Variants in PTPRM observed in about 807,000 individuals in gnomAD.
The protein encoded by PTPRM is protein tyrosine phosphatase receptor type M, also known as receptor-type tyrosine-protein phosphatase mu.
PTPRM carries 47 observed loss-of-function variants against 186.7 expected under a neutral mutation model. That is an observed-to-expected ratio of 0.25 (90% confidence interval 0.20 to 0.32). PTPRM has a LOEUF of 0.32. Among genes scored for constraint, PTPRM ranks in the 10% least tolerant of loss-of-function variants. The pLI, the probability that PTPRM is intolerant of heterozygous loss-of-function variation, is 1.00. For missense variants in PTPRM, 1,494 were observed against 1,865.0 expected, an observed-to-expected ratio of 0.80 and a Z score of 3.66; for synonymous variants, 668 against 674.9, an observed-to-expected ratio of 0.99 and a Z score of 0.16.
intron 14 of PTPRM, among the ~76,000 whole-genome samples, chr18:8,230,290 G>A (rs1163087723): frequency 6.6e-6 from 1 of 152,210 alleles, no homozygotes; most frequent in Non-Finnish European, 1.5e-5. Flanking sequence ...TAGGTAGTGT[G>A]TGCCATAGTT....
chr18:8,145,938 C>T (rs943515017), intron 14 of PTPRM, among the ~76,000 whole-genome samples: 1 of 152,168 alleles, frequency 6.6e-6, no homozygotes, highest in African/African-American at 2.4e-5. Context: ...AACTAATTTA[C>T]AGTTCCACCA....
intron 1 of PTPRM, among the ~76,000 whole-genome samples, chr18:7,614,690 A>G (rs975513378): frequency 6.6e-6 from 1 of 152,326 alleles, no homozygotes; most frequent in East Asian, 1.9e-4. Flanking sequence ...GGTTCAGTAT[A>G]CTGTTCATTT....
At chr18:8,016,920 A>G (rs752295706) in intron 7 of PTPRM, among the ~76,000 whole-genome samples, 4 of 152,244 alleles carry the variant, frequency 2.6e-5, no homozygotes, top group South Asian at 2.1e-4. Context: ...TGGCTGACCA[A>G]TATTCACGCA....
chr18:7,744,709 T>C (rs917202799), intron 1 of PTPRM, among the ~76,000 whole-genome samples: 30 of 152,170 alleles, frequency 2.0e-4, no homozygotes, highest in African/African-American at 7.2e-4. Flanking sequence ...ATGAGAACTG[T>C]ATTGGACACC....
At chr18:7,580,016 G>A (rs745995242) in intron 1 of PTPRM, among the ~76,000 whole-genome samples, 7 of 152,144 alleles carry the variant, frequency 4.6e-5, no homozygotes, top group African/African-American at 9.7e-5. Context: ...TCAAAATGTC[G>A]TCTCTAGGAG....
chr18:8,305,633 C>T (rs1375168903), intron 20 of PTPRM, among the ~76,000 whole-genome samples: 1 of 152,184 alleles, frequency 6.6e-6, no homozygotes, highest in Non-Finnish European at 1.5e-5. Flanking sequence ...TGCTCCACTA[C>T]ACAGAAATAG....
Position 7,937,168 on chromosome 18 carries a change from A to G in PTPRM, c.663+10485A>G, listed in dbSNP as rs150059005. ...ACCAAATGGCAGGGCTGCAAGGGCTATAACACAAGCAGGGCTGAAACATGC... is the reference window on the plus strand; with the variant it reads ...ACCAAATGGCAGGGCTGCAAGGGCTGTAACACAAGCAGGGCTGAAACATGC... On this transcript the variant is annotated intron_variant, in intron 5 of 32. Transcript: ENST00000580170. Among the ~76,000 whole-genome samples the G allele has an allele frequency of 8.2e-3, 1,244 of 152,324 alleles. 7 individuals are homozygous for G. Among genetic ancestry groups the G allele is most frequent in the South Asian group, 0.033 (159 of 4,822 alleles).
chr18:8,363,165 G>T (rs1241332160), intron 23 of PTPRM, among the ~76,000 whole-genome samples: 2 of 152,146 alleles, frequency 1.3e-5, no homozygotes, highest in South Asian at 2.1e-4. Flanking sequence ...CCACAGTGTT[G>T]GTCCCTTAGG....
At position 8,289,549 on chromosome 18, in the gene PTPRM, T is replaced by TATATATAC. The variant is rs1568674857; in HGVS notation, c.2755-6818_2755-6817insTATATACA. 2.2e-4 allele frequency among the ~76,000 whole-genome samples: 21 copies of TATATATAC among 94,940 alleles called. No individual in the cohort carries two copies. In the South Asian group the frequency reaches 2.9e-3, roughly 13 times the overall value. 62.3% of individuals were successfully genotyped at this position (94,940 alleles called of 152,430 possible). On this transcript the variant is annotated intron_variant, in intron 19 of 32. Coordinates refer to ENST00000580170, the MANE Select transcript of PTPRM (RefSeq NM_001105244.2). Reference sequence around the variant, plus strand: ...ACATATATATACACATATATATATATACATATATATACACATATATATATA... The same window carrying TATATATAC: ...ACATATATATACACATATATATATATATATATACACATATATATACACATATATATATA...
At chr18:7,994,165 A>T (rs1471759387) in intron 7 of PTPRM, among the ~76,000 whole-genome samples, 1 of 152,080 alleles carries the variant, frequency 6.6e-6, no homozygotes, top group Non-Finnish European at 1.5e-5. Context: ...TTCAGTAGTT[A>T]CTATACTTAG....
At chr18:7,861,576 A>G (rs189060959) in intron 2 of PTPRM, among the ~76,000 whole-genome samples, 68 of 152,318 alleles carry the variant, frequency 4.5e-4, no homozygotes, top group African/African-American at 1.6e-3. Flanking sequence ...AAACAAGTCT[A>G]AAAACAATCA....
chr18:7,649,741 TAAAG>T (rs1312363635), intron 1 of PTPRM, among the ~76,000 whole-genome samples: 7 of 150,726 alleles, frequency 4.6e-5, no homozygotes, highest in Admixed American at 4.6e-4. Context: ...ATACTAATAA[TAAAG>T]AAAAAGAAAA....
intron 14 of PTPRM, among the ~76,000 whole-genome samples, chr18:8,203,692 G>A (rs148507795): frequency 7.2e-5 from 11 of 152,064 alleles, no homozygotes; most frequent in Admixed American, 5.9e-4. Context: ...ACTTTCAAAC[G>A]GTTTGGCAAA....
chr18:7,598,042 T>C (rs536540299), intron 1 of PTPRM, among the ~76,000 whole-genome samples: 1 of 152,336 alleles, frequency 6.6e-6, no homozygotes, highest in South Asian at 2.1e-4. Context: ...TAGACAGTCC[T>C]CTTGAAATTA....
intron 29 of PTPRM, among the ~76,000 whole-genome samples, chr18:8,383,041 A>T (rs658048): frequency 6.6e-6 from 1 of 151,752 alleles, no homozygotes; most frequent in Non-Finnish European, 1.5e-5. Flanking sequence ...GGCTCACACC[A>T]GTAATCCCAG....
At chr18:7,762,365 G>A (rs1041116024) in intron 1 of PTPRM, among the ~76,000 whole-genome samples, 24 of 152,088 alleles carry the variant, frequency 1.6e-4, no homozygotes, top group African/African-American at 5.5e-4. Context: ...TGCAGGGACC[G>A]CATGAGCATA....
In PTPRM at chr18:7,818,085, A is replaced by G. The variant is rs184643963; in HGVS notation, c.196+43814A>G. Among the ~76,000 whole-genome samples, 453 of 152,282 alleles carry G rather than the reference A, an allele frequency of 3.0e-3. 3 individuals are homozygous for G. The highest frequency in any genetic ancestry group is 5.3e-3 in the Non-Finnish European group (361 of 68,010). On this transcript the variant is annotated intron_variant, in intron 2 of 32. Coordinates refer to ENST00000580170, the MANE Select transcript of PTPRM (RefSeq NM_001105244.2). ...TCCAGGGCAAAATTATTTCCCTTTT[A>G]TCTTAGCCAACACCCTCTTTGGAGG...
rs145602772 is a variant in PTPRM, at chr18:7,811,141, T to C, written c.196+36870T>C. On this transcript the variant is annotated intron_variant, in intron 2 of 32. Coordinates refer to ENST00000580170, the MANE Select transcript of PTPRM (RefSeq NM_001105244.2). ...AAATCAATAAGGTTTCATGGAACAG[T>C]TTCTGCAAGGAGCAGAAAGGCAAGC... is the stretch of plus-strand genomic sequence containing the variant. 3.2e-3 allele frequency among the ~76,000 whole-genome samples: 492 copies of C among 152,242 alleles called. 2 individuals carry two copies. The highest frequency in any genetic ancestry group is 0.01 in the Middle Eastern group (3 of 294).
At chr18:7,849,172 G>A (rs2046743912) in intron 2 of PTPRM, among the ~76,000 whole-genome samples, 1 of 152,090 alleles carries the variant, frequency 6.6e-6, no homozygotes, top group Non-Finnish European at 1.5e-5. Flanking sequence ...TTCATGCAGC[G>A]GCCAAACTGT....
Sources: allele counts gnomAD v4.1 joint callset (sites outside exome capture counted in the v4.1 genomes callset), GRCh38; gene constraint gnomAD v4.1.1; transcripts MANE v1.5; gene names NCBI Gene and HGNC (gene_info 2026-07-23, HGNC 2026-07-21).